HERC3: variants seen among roughly 807,000 people sequenced by gnomAD.
HERC3 encodes the protein probable E3 ubiquitin-protein ligase HERC3.
A neutral mutation model predicts 129.9 loss-of-function variants in HERC3; 58 were observed. That is an observed-to-expected ratio of 0.45 (90% confidence interval 0.36 to 0.56). The LOEUF (loss-of-function observed/expected upper bound fraction) is 0.56, where lower values mean the gene tolerates loss of function less well. HERC3 is among the 20% of genes least tolerant of loss of function. The probability of loss-of-function intolerance (pLI) is 0.00; values close to 1 mark genes in which losing one functional copy is unlikely to be tolerated. For missense variants in HERC3, 835 were observed against 1,244.2 expected (o/e 0.67, Z 4.95); for synonymous variants, 430 against 451.0 (o/e 0.95, Z 0.59).
At chr4:88,639,082 A>C (rs879426579) in intron 3 of HERC3, among the ~76,000 whole-genome samples, 2 of 152,182 alleles carry the variant, frequency 1.3e-5, no homozygotes, top group Non-Finnish European at 2.9e-5. Flanking sequence ...CTTTTCAAGG[A>C]AATAAGAGAG....
chr4:88,556,053 A>C, the HERC3 span, among the ~76,000 whole-genome samples: 1 of 152,236 alleles, frequency 6.6e-6, no homozygotes, highest in African/African-American at 2.4e-5. Flanking sequence ...AAGCTGTAAA[A>C]GTATGACAAA....
intron 8 of HERC3, 100 bp from the exon 9 acceptor site, chr4:88,655,775 G>A (rs1578253645): frequency 3.3e-6 from 4 of 1,196,732 alleles, no homozygotes; most frequent in East Asian, 4.7e-5. Context: ...CTCTATAGGA[G>A]CACCCTGTGC....
At chr4:88,668,868 A>G (rs1731318474) in intron 14 of HERC3, among the ~76,000 whole-genome samples, 1 of 152,180 alleles carries the variant, frequency 6.6e-6, no homozygotes, top group Non-Finnish European at 1.5e-5. Flanking sequence ...AGATAAAAAC[A>G]GAAATAATAA....
At chr4:88,681,352 C>G in intron 21 of HERC3, 27 bp downstream of exon 21, 1 of 1,592,120 alleles carries the variant, frequency 6.3e-7, no homozygotes, top group South Asian at 1.1e-5. Flanking sequence ...CGATTGGTAT[C>G]TGAAACTGTT....
chr4:88,613,473 C>T (rs559291998), intron 3 of HERC3, among the ~76,000 whole-genome samples: 4 of 152,300 alleles, frequency 2.6e-5, no homozygotes, highest in South Asian at 4.1e-4. Flanking sequence ...TAAAGCAGAA[C>T]GTCCAAAAGC....
At chr4:88,588,669 A>C (rs1721589263), upstream of HERC3, among the ~76,000 whole-genome samples, 4 of 152,254 alleles carry the variant, frequency 2.6e-5, no homozygotes, top group South Asian at 8.3e-4. Flanking sequence ...AAAGTTTACC[A>C]AGTAAATATT....
chr4:88,662,189 C>T (rs144289091), intron 10 of HERC3, among the ~76,000 whole-genome samples: 19 of 152,300 alleles, frequency 1.2e-4, no homozygotes, highest in Non-Finnish European at 2.5e-4. Flanking sequence ...GACCTTTACA[C>T]CATGCCTCTA....
chr4:88,614,396 G>T (rs1215717252), intron 3 of HERC3, among the ~76,000 whole-genome samples: 2 of 152,090 alleles, frequency 1.3e-5, no homozygotes, highest in Non-Finnish European at 2.9e-5. Context: ...GAGAATGGCT[G>T]ATAAGATTTT....
In HERC3 at chr4:88,686,941, CT is replaced by C. The variant is rs894801080; in HGVS notation, c.2574+141del. 3 of 713,604 alleles carry C rather than the reference CT, an allele frequency of 4.2e-6. No homozygotes were observed. In the African/African-American group the frequency reaches 5.4e-5, roughly 13 times the overall value. The allele number at this position is 713,604 out of a possible 1,614,324, so 44.2% of individuals were successfully genotyped here. On this transcript the variant is annotated intron_variant, in intron 22 of 25. Transcript: ENST00000402738. ...AATCAAATTATTTTAGTCATAGTGT[CT>C]TGAGTGTTATAGGGGTTCAGTGGGC...
chr4:88,530,955 T>G, the HERC3 span, among the ~76,000 whole-genome samples: 1 of 152,158 alleles, frequency 6.6e-6, no homozygotes, highest in East Asian at 1.9e-4. Flanking sequence ...GTTCAAGTGA[T>G]TCTCCTGGCC....
the HERC3 span, among the ~76,000 whole-genome samples, chr4:88,583,193 T>A: frequency 2.0e-5 from 3 of 151,884 alleles, no homozygotes; most frequent in African/African-American, 7.3e-5. Flanking sequence ...ATCTCAGCAC[T>A]TGGGGAGGCC....
the HERC3 span, among the ~76,000 whole-genome samples, chr4:88,537,474 A>G: frequency 1.3e-5 from 2 of 152,216 alleles, no homozygotes; most frequent in Admixed American, 1.3e-4. Context: ...CCACAGAAGT[A>G]ACACTGTGTC....
At chr4:88,680,063 G>T in intron 19 of HERC3, 30 bp from the exon 20 acceptor site, 1 of 1,577,262 alleles carries the variant, frequency 6.3e-7, no homozygotes, top group Admixed American at 1.8e-5. Context: ...AGATTTCCCG[G>T]AAGCATTAAT....
intron 3 of HERC3, among the ~76,000 whole-genome samples, chr4:88,637,375 G>A (rs761324286): frequency 2.0e-5 from 3 of 152,068 alleles, no homozygotes; most frequent in Non-Finnish European, 4.4e-5. Context: ...GCAGTGAGCC[G>A]AGATCGCGCC....
intron 9 of HERC3, chr4:88,656,894 G>A (rs1341673566): frequency 6.6e-6 from 1 of 152,168 alleles, no homozygotes; most frequent in African/African-American, 2.4e-5. Flanking sequence ...TCTGGAGGCA[G>A]GATTTAAACC....
At chr4:88,635,250 C>A (rs929232294) in intron 3 of HERC3, among the ~76,000 whole-genome samples, 1 of 151,814 alleles carries the variant, frequency 6.6e-6, no homozygotes, top group Non-Finnish European at 1.5e-5. Context: ...AAGCTAAGAA[C>A]GTTGATAAAA....
chr4:88,628,693 G>A (rs1263237469), intron 3 of HERC3, among the ~76,000 whole-genome samples: 1 of 152,104 alleles, frequency 6.6e-6, no homozygotes, highest in African/African-American at 2.4e-5. Context: ...AGCCCCTCTG[G>A]AAGCATCTCA....
the HERC3 span, among the ~76,000 whole-genome samples, chr4:88,525,940 C>T: frequency 6.6e-6 from 1 of 152,174 alleles, no homozygotes; most frequent in South Asian, 2.1e-4. Flanking sequence ...TGCACAATAA[C>T]CTGATGGTTT....
At chr4:88,586,392 C>T in the HERC3 span, among the ~76,000 whole-genome samples, 2 of 135,340 alleles carry the variant, frequency 1.5e-5, no homozygotes, top group Admixed American at 8.4e-5. Context: ...GAGTTTCGCT[C>T]TTGTTGCCCA....
Sources: gnomAD v4.1 joint callset for allele counts (sites outside exome capture counted in the v4.1 genomes callset) on GRCh38, gnomAD v4.1.1 for gene constraint, MANE v1.5 for transcripts, NCBI Gene and HGNC (gene_info 2026-07-23, HGNC 2026-07-21) for gene names.